RNF38: variants seen among roughly 807,000 people sequenced by gnomAD.
RNF38 encodes the protein E3 ubiquitin-protein ligase RNF38.
RNF38 carries 15 observed loss-of-function variants against 67.2 expected under a neutral mutation model. The ratio of observed to expected loss-of-function variants is 0.22; its 90% CI spans 0.15 to 0.34. The LOEUF is 0.34. Among genes scored for constraint, RNF38 ranks in the 10% least tolerant of loss-of-function variants. The pLI is 1.00. For missense variants in RNF38, 524 were observed against 639.9 expected (o/e 0.82, Z 1.95); for synonymous variants, 220 against 218.8 (o/e 1.01, Z -0.05).
intron 1 of RNF38, among the ~76,000 whole-genome samples, chr9:36,454,553 T>TA (rs1488058550): frequency 6.7e-6 from 1 of 148,502 alleles, no homozygotes; most frequent in Non-Finnish European, 1.5e-5. Flanking sequence ...TTATGCCTAA[T>TA]AAAAATATCA....
In RNF38 at chr9:36,453,381, ATT is replaced by A. The variant is rs571598885; in HGVS notation, n.242-28700_242-28699del. On this transcript the variant is annotated intron_variant and non_coding_transcript_variant, in intron 1 of 3. Transcript: ENST00000488058. ...AGGTGCATGCCACCATGTTCAGGTA[ATT>A]TTTTTTTTTTTTTTTTTGAGACGGA... is the stretch of plus-strand genomic sequence containing the variant. Among the ~76,000 whole-genome samples, 717 of 135,742 alleles carry A rather than the reference ATT, an allele frequency of 5.3e-3. 9 individuals are homozygous for A. Among genetic ancestry groups the A allele is most frequent in the African/African-American group, 0.018 (670 of 36,536 alleles). 89.1% of individuals were successfully genotyped at this position (135,742 alleles called of 152,430 possible).
chr9:36,373,272 G>T (rs550142892), intron 3 of RNF38, among the ~76,000 whole-genome samples: 2 of 152,148 alleles, frequency 1.3e-5, no homozygotes, highest in African/African-American at 2.4e-5. Flanking sequence ...TACATAAATT[G>T]TGTGGTACAT....
intron 1 of RNF38, among the ~76,000 whole-genome samples, chr9:36,478,161 G>A (rs1470810284): frequency 1.3e-5 from 2 of 151,936 alleles, no homozygotes; most frequent in African/African-American, 2.4e-5. Context: ...ATTACCAGGC[G>A]TGGTAGCTCA....
chr9:36,350,729 G>T (rs1475736442), intron 9 of RNF38, among the ~76,000 whole-genome samples: 6 of 152,114 alleles, frequency 3.9e-5, no homozygotes, highest in Admixed American at 3.3e-4. Flanking sequence ...TAGCTATGTG[G>T]TATTACATAT....
In RNF38 at chr9:36,352,724, A is replaced by G; in HGVS notation, c.1178+18T>C. The G allele has an allele frequency of 2.0e-6, 3 of 1,533,568 alleles. No homozygotes were observed. Among genetic ancestry groups the G allele is most frequent in the Non-Finnish European group, 2.7e-6 (3 of 1,106,768 alleles). 95.0% of individuals were successfully genotyped at this position (1,533,568 alleles called of 1,614,324 possible). A position where few individuals can be genotyped will look rare whatever the true frequency, so the allele number is the denominator to read the frequency against. On this transcript the variant is annotated intron_variant, in intron 8 of 11. Transcript: ENST00000259605. ...GAGTTTCAAAATTCAGAAATCATTA[A>G]GATAAGAAAGAACTTACAACACATA...
chr9:36,390,666 T>G, intron 1 of RNF38, 50 bp from the exon 2 acceptor site: 1 of 1,583,602 alleles, frequency 6.3e-7, no homozygotes, highest in South Asian at 1.1e-5. Context: ...TGCACCAATG[T>G]GGAGAATCAC....
At chr9:36,466,149 T>C (rs191661810) in intron 1 of RNF38, among the ~76,000 whole-genome samples, 28 of 152,342 alleles carry the variant, frequency 1.8e-4, no homozygotes, top group Non-Finnish European at 3.2e-4. Flanking sequence ...GCCAGTACTG[T>C]TCATAAAAGT....
intron 1 of RNF38, among the ~76,000 whole-genome samples, chr9:36,454,989 C>T (rs779929988): frequency 1.8e-4 from 27 of 152,252 alleles, no homozygotes; most frequent in South Asian, 8.3e-4. Flanking sequence ...TGTGAAAAAT[C>T]AAACTCATCA....
chr9:36,353,119 C>G, intron 7 of RNF38, 51 bp downstream of exon 7: 1 of 1,458,512 alleles, frequency 6.9e-7, no homozygotes, highest in Non-Finnish European at 9.6e-7. Context: ...TAACTCAGAA[C>G]AAGTAAGTTG....
intron 1 of RNF38, among the ~76,000 whole-genome samples, chr9:36,444,605 GC>G (rs1160543725): frequency 1.3e-5 from 2 of 152,154 alleles, no homozygotes; most frequent in African/African-American, 4.8e-5. Flanking sequence ...TTTGAGACCA[GC>G]CTGACCAACA....
chr9:36,475,708 G>C (rs918040117), intron 1 of RNF38, among the ~76,000 whole-genome samples: 2 of 151,030 alleles, frequency 1.3e-5, no homozygotes, highest in African/African-American at 4.9e-5. Flanking sequence ...ATAGAGACAG[G>C]GGTTAATTCC....
chr9:36,460,849 T>C (rs1239755127), intron 1 of RNF38, among the ~76,000 whole-genome samples: 11 of 135,126 alleles, frequency 8.1e-5, no homozygotes, highest in Admixed American at 3.4e-4. Flanking sequence ...ATTGCACCAT[T>C]GCACTCCAGC....
chr9:36,350,385 T>A (rs1196969266), intron 9 of RNF38, among the ~76,000 whole-genome samples: 1 of 152,196 alleles, frequency 6.6e-6, no homozygotes, highest in Admixed American at 6.5e-5. Context: ...ACCAAAAACA[T>A]TTAGTGGCTC....
intron 2 of RNF38, among the ~76,000 whole-genome samples, chr9:36,416,742 ATTTTTTTTTTTTTTTTT>A (rs386414907): frequency 1.1e-4 from 7 of 63,500 alleles, no homozygotes; most frequent in Admixed American, 2.3e-4. Context: ...CTGCCTCGAT[ATTTTTTTTTTTTTTTTT>A]TTTTTTTTTT....
At chr9:36,424,820 T>C (rs1406764772) in intron 1 of RNF38, 9 of 181,386 alleles carry the variant, frequency 5.0e-5, no homozygotes. Flanking sequence ...GGGATTATTA[T>C]TCATGCATTT....
At chr9:36,418,229 T>C (rs1193751477) in intron 2 of RNF38, among the ~76,000 whole-genome samples, 4 of 152,060 alleles carry the variant, frequency 2.6e-5, no homozygotes, top group African/African-American at 9.7e-5. Context: ...GGTTTTGCCA[T>C]GTTGTCCAGG....
intron 1 of RNF38, among the ~76,000 whole-genome samples, chr9:36,460,152 C>T (rs776721745): frequency 6.6e-6 from 1 of 152,064 alleles, no homozygotes; most frequent in Non-Finnish European, 1.5e-5. Context: ...AGCTTATGAT[C>T]AACTGCCTAG....
At position 36,480,875 on chromosome 9, in the gene RNF38, TTAC is replaced by T. The variant is rs1374058919; in HGVS notation, n.241+6430_241+6432del. On this transcript the variant is annotated intron_variant and non_coding_transcript_variant, in intron 1 of 3. Transcript: ENST00000488058. ...CCTTCCATGTATATATTTGGTCCTC[TTAC>T]TACTACTTCCCTACATTTCTCAACA... Among the ~76,000 whole-genome samples the T allele has an allele frequency of 3.3e-5, 5 of 151,888 alleles. No individual in the cohort carries two copies. The South Asian group carries it at 8.3e-4, about 25-fold the overall frequency.
At chr9:36,393,724 G>C (rs780643712) in intron 1 of RNF38, among the ~76,000 whole-genome samples, 2 of 152,164 alleles carry the variant, frequency 1.3e-5, no homozygotes, top group Non-Finnish European at 2.9e-5. Flanking sequence ...GCTAAAGACA[G>C]ATTATCCTGG....
Sources: gnomAD v4.1 joint callset for allele counts (sites outside exome capture counted in the v4.1 genomes callset) on GRCh38, gnomAD v4.1.1 for gene constraint, MANE v1.5 for transcripts, NCBI Gene and HGNC (gene_info 2026-07-23, HGNC 2026-07-21) for gene names.